The following PSMD14 variants were observed in gnomAD, a reference collection of about 807,000 sequenced individuals.
PSMD14 encodes the protein ubiquitin C-terminal hydrolase PSMD14.
In PSMD14, 7 loss-of-function variants were observed where a neutral mutation model predicts 41.2. That is an observed-to-expected ratio of 0.17 (90% CI 0.10 to 0.32). The LOEUF (loss-of-function observed/expected upper bound fraction) is 0.32, where lower values mean the gene tolerates loss of function less well. PSMD14 is among the 10% of genes least tolerant of loss of function. PSMD14 has a pLI of 1.00. For missense variants in PSMD14, 139 were observed against 375.6 expected (o/e 0.37, Z 5.21); for synonymous variants, 114 against 122.3 (o/e 0.93, Z 0.45).
At chr2:161,408,176 T>C (rs1177360339) in intron 10 of PSMD14, 2 of 152,108 alleles carry the variant, frequency 1.3e-5, no homozygotes, top group East Asian at 3.8e-4. Flanking sequence ...GTTCAGGTAA[T>C]TTTTTTGTTG....
intron 1 of PSMD14, 127 bp from the exon 2 acceptor site, chr2:161,316,310 T>C (rs1689147897): frequency 6.6e-6 from 1 of 152,230 alleles, no homozygotes. Flanking sequence ...CAGAAAAAGA[T>C]TATTAAAAAA....
intron 7 of PSMD14, among the ~76,000 whole-genome samples, chr2:161,378,628 T>C (rs968191542): frequency 6.6e-6 from 1 of 152,114 alleles, no homozygotes; most frequent in East Asian, 1.9e-4. Flanking sequence ...CTGAACCTAG[T>C]AGTAGTCCTT....
chr2:161,354,593 T>C (rs1228851315), intron 3 of PSMD14, among the ~76,000 whole-genome samples: 2 of 152,376 alleles, frequency 1.3e-5, no homozygotes, highest in East Asian at 3.9e-4. Flanking sequence ...CATAGATATC[T>C]AAAGTGATTG....
intron 3 of PSMD14, among the ~76,000 whole-genome samples, chr2:161,320,519 A>T (rs1477966490): frequency 6.6e-6 from 1 of 152,110 alleles, no homozygotes; most frequent in African/African-American, 2.4e-5. Context: ...ATTTCATCTC[A>T]ATTAGATGAT....
intron 3 of PSMD14, among the ~76,000 whole-genome samples, chr2:161,366,660 C>T (rs1053815944): frequency 2.0e-5 from 3 of 152,024 alleles, no homozygotes; most frequent in African/African-American, 7.2e-5. Context: ...TATTAAAAAA[C>T]AAGAAGCTTT....
At chr2:161,337,929 C>A (rs187915155) in intron 3 of PSMD14, among the ~76,000 whole-genome samples, 1 of 151,994 alleles carries the variant, frequency 6.6e-6, no homozygotes. Context: ...TTAATTGTTA[C>A]AAGAATTATA....
intron 3 of PSMD14, among the ~76,000 whole-genome samples, chr2:161,336,398 G>A (rs12988044): frequency 0.94 from 143,502 of 152,252 alleles, 67,678 homozygotes; most frequent in East Asian, 1. Context: ...TACTATTTAC[G>A]AGCAGCTGTA....
chr2:161,369,596 G>C (rs1286962421), intron 5 of PSMD14, among the ~76,000 whole-genome samples: 1 of 152,038 alleles, frequency 6.6e-6, no homozygotes, highest in Non-Finnish European at 1.5e-5. Flanking sequence ...TATAAAGACA[G>C]TACTCTATCG....
At position 161,395,074 on chromosome 2, in the gene PSMD14, T is replaced by C. The variant is rs1683774464; in HGVS notation, c.646-4T>C. On this transcript the variant is annotated splice_region_variant and splice_polypyrimidine_tract_variant and intron_variant, in intron 9 of 11. Coordinates refer to ENST00000409682, the MANE Select transcript of PSMD14 (RefSeq NM_005805.6). ...AAAGAATTACTTTTTCTTTTATTTT[T>C]TAGATGTTGCTAAATTTGCATAAGA... 6.3e-7 allele frequency: 1 copy of C among 1,579,950 alleles called. No individual in the cohort carries two copies. The highest frequency in any genetic ancestry group is 8.6e-7 in the Non-Finnish European group (1 of 1,166,910).
chr2:161,319,284 C>G (rs1437021737), intron 3 of PSMD14, among the ~76,000 whole-genome samples: 1 of 152,042 alleles, frequency 6.6e-6, no homozygotes, highest in East Asian at 1.9e-4. Flanking sequence ...TATGTACAGT[C>G]TTAACACTGG....
At chr2:161,407,519 A>C (rs1043080765) in intron 10 of PSMD14, 9 of 152,222 alleles carry the variant, frequency 5.9e-5, no homozygotes, top group African/African-American at 1.2e-4. Context: ...TAGTTTGTCC[A>C]TTTATAAAAT....
At chr2:161,347,326 T>C (rs1249790833) in intron 3 of PSMD14, among the ~76,000 whole-genome samples, 2 of 152,168 alleles carry the variant, frequency 1.3e-5, no homozygotes, top group Non-Finnish European at 2.9e-5. Context: ...TATTTATTTA[T>C]TTTTTGGGAG....
At chr2:161,396,559 A>T (rs1048820228) in intron 10 of PSMD14, among the ~76,000 whole-genome samples, 2 of 152,198 alleles carry the variant, frequency 1.3e-5, no homozygotes, top group Admixed American at 6.5e-5. Context: ...CATCTCACTT[A>T]TATGTGGAAT....
At chr2:161,318,768 T>C in intron 2 of PSMD14, 54 bp from the exon 3 acceptor site, 4 of 1,411,248 alleles carry the variant, frequency 2.8e-6, no homozygotes, top group Non-Finnish European at 2.0e-6. Flanking sequence ...TAGATAGCAA[T>C]TGAATAAACA....
At chr2:161,391,207 G>GA (rs1178042658) in intron 9 of PSMD14, 29 bp downstream of exon 9, 2 of 1,479,996 alleles carry the variant, frequency 1.4e-6, no homozygotes, top group Non-Finnish European at 1.8e-6. Context: ...CTTATAGGAG[G>GA]AAAAAAATCT....
intron 9 of PSMD14, 73 bp downstream of exon 9, chr2:161,391,251 G>T: frequency 1.4e-6 from 2 of 1,384,672 alleles, no homozygotes; most frequent in Admixed American, 3.0e-5. Context: ...CCTGGTATGT[G>T]ATTTAAATTC....
At chr2:161,343,871 T>G (rs1485846492) in intron 3 of PSMD14, among the ~76,000 whole-genome samples, 1 of 151,990 alleles carries the variant, frequency 6.6e-6, no homozygotes, top group Non-Finnish European at 1.5e-5. Context: ...TTTAGTTCTT[T>G]TGGGTATATA....
chr2:161,333,630 T>G (rs1327468524), intron 3 of PSMD14, among the ~76,000 whole-genome samples: 1 of 152,250 alleles, frequency 6.6e-6, no homozygotes, highest in Non-Finnish European at 1.5e-5. Context: ...TAGGATCTTG[T>G]TCCTATTCTT....
chr2:161,408,798 T>A, intron 10 of PSMD14, 39 bp from the exon 11 acceptor site: 1 of 1,502,132 alleles, frequency 6.7e-7, no homozygotes. Context: ...AATAGAGGAT[T>A]TATAATTTTA....
Sources: gnomAD v4.1 joint callset for allele counts (sites outside exome capture counted in the v4.1 genomes callset) on GRCh38, gnomAD v4.1.1 for gene constraint, MANE v1.5 for transcripts, NCBI Gene and HGNC (gene_info 2026-07-23, HGNC 2026-07-21) for gene names.